PHLDB2: variants seen among roughly 807,000 people sequenced by gnomAD.
PHLDB2 encodes pleckstrin homology-like domain family B member 2.
PHLDB2 carries 71 observed loss-of-function variants against 123.6 expected under a neutral mutation model. The observed-to-expected ratio is 0.57, with a 90% confidence interval of 0.47 to 0.70. The LOEUF is 0.70. Ranked by LOEUF, PHLDB2 falls within the 30% of genes least tolerant of loss-of-function variation. PHLDB2 has a pLI of 0.00. For synonymous variants in PHLDB2, 547 were observed against 541.6 expected (o/e 1.01, Z -0.14); for missense variants, 1,446 against 1,519.5 (o/e 0.95, Z 0.80).
intron 1 of PHLDB2, among the ~76,000 whole-genome samples, chr3:111,780,410 A>C (rs2060417968): frequency 7.7e-6 from 1 of 129,594 alleles, no homozygotes; most frequent in African/African-American, 3.0e-5. Context: ...GAAGAAGAAG[A>C]AAAAGATTAG....
At chr3:111,960,154 G>A (rs1358902852) in intron 12 of PHLDB2, 3 of 872,220 alleles carry the variant, frequency 3.4e-6, no homozygotes, top group Non-Finnish European at 4.1e-6. Context: ...GGAGCAATTA[G>A]TAATTCCAAA....
intron 8 of PHLDB2, among the ~76,000 whole-genome samples, chr3:111,943,167 G>C (rs748783368): frequency 2.0e-4 from 30 of 152,248 alleles, no homozygotes; most frequent in African/African-American, 7.0e-4. Context: ...TTAAGGCAGG[G>C]TGGTACTGCC....
In PHLDB2 at chr3:111,913,502, A is replaced by T; in HGVS notation, c.1519A>T (p.Arg507Trp). The T allele has an allele frequency of 6.2e-7, 1 of 1,614,140 alleles. No individual in the cohort carries two copies. The highest frequency in any genetic ancestry group is 8.5e-7 in the Non-Finnish European group (1 of 1,180,002). The change falls in exon 3 of 18, where the codon AGG becomes TGG. Residue 507 changes from arginine to tryptophan, a missense_variant. Physicochemically the swap from Arg to Trp is moderately radical, Grantham distance 101 (BLOSUM62 -3). Coordinates refer to ENST00000431670, the MANE Select transcript of PHLDB2 (RefSeq NM_001134438.2). ...EALMSPDTRYRCHRKDSLPDA... is the reference protein window; with the variant it reads ...EALMSPDTRYWCHRKDSLPDA... The stretch of plus-strand genomic sequence containing the variant: ...CCTCATGAGCCCTGACACAAGATAC[A>T]GGTGCCACCGGAAAGACTCCCTCCC...
At chr3:111,845,991 C>A in intron 2 of PHLDB2, 1 of 1,543,502 alleles carries the variant, frequency 6.5e-7, no homozygotes, top group Admixed American at 1.7e-5. Context: ...CTTACTCCAT[C>A]ATACATATTG....
At chr3:111,760,345 C>T (rs1389362780) in intron 1 of PHLDB2, among the ~76,000 whole-genome samples, 1 of 152,180 alleles carries the variant, frequency 6.6e-6, no homozygotes, top group African/African-American at 2.4e-5. Context: ...CAAACCAAAA[C>T]TTAGTTTCAA....
rs955863894 is a variant in PHLDB2 at position 111,884,530 on chromosome 3, T to C, written c.453T>C (p.Tyr151=). Residue 151 remains tyrosine, a synonymous_variant, in exon 2 of 18, where the codon TAT becomes TAC. Coordinates refer to ENST00000431670, the MANE Select transcript of PHLDB2 (RefSeq NM_001134438.2). ...CAGAGAAGCCTCCCTATTCCAAATA[T>C]AGCTCAAGGCATAAATCGCATGACA... ...RLSEKPPYSK[Y]SSRHKSHDNV... 2 of 1,614,094 alleles carry C rather than the reference T, an allele frequency of 1.2e-6. No individual in the cohort carries two copies. Among genetic ancestry groups the C allele is most frequent in the South Asian group, 2.2e-5 (2 of 91,070 alleles).
chr3:111,790,632 T>C (rs2060879084), intron 1 of PHLDB2, among the ~76,000 whole-genome samples: 1 of 152,182 alleles, frequency 6.6e-6, no homozygotes, highest in Non-Finnish European at 1.5e-5. Context: ...GAGAGACTTC[T>C]GTTTGATGAG....
rs895478391 is a variant in PHLDB2, at chr3:111,957,171, A to T, written c.2872+3142A>T. ...GTTATTGGCTTTTGAACAACTTGTG[A>T]ACTATTCCTTTGTCAGCTTTAGAAT... is the stretch of plus-strand genomic sequence containing the variant. On this transcript the variant is annotated intron_variant, in intron 12 of 17. Transcript: ENST00000431670. The T allele has an allele frequency of 4.6e-5, 7 of 152,748 alleles. No homozygotes were observed. In the East Asian group the frequency reaches 1.2e-3, roughly 25 times the overall value. The allele number at this position is 152,748 out of a possible 1,614,324, so 9.5% of individuals were successfully genotyped here.
intron 1 of PHLDB2, among the ~76,000 whole-genome samples, chr3:111,829,950 A>G (rs1409865236): frequency 6.7e-6 from 1 of 149,500 alleles, no homozygotes; most frequent in East Asian, 1.9e-4. Context: ...ACACACACAC[A>G]CACACACACA....
In PHLDB2 at chr3:111,780,394, GAAGAA is replaced by G. The variant is rs201565177; in HGVS notation, c.-49+47692_-49+47696del. Among the ~76,000 whole-genome samples the G allele has an allele frequency of 8.3e-4, 41 of 49,452 alleles. 8 individuals are homozygous for G. The East Asian group carries it at 0.041, about 49-fold the overall frequency. 32.4% of individuals were successfully genotyped at this position (49,452 alleles called of 152,430 possible). On this transcript the variant is annotated intron_variant, in intron 1 of 17. Coordinates refer to the PHLDB2 transcript ENST00000393923. ...AGAAGAAGAAGAAGAAGAAGAAGAA[GAAGAA>G]GAAGAAGAAGAAAAAGATTAGTTCG... is the stretch of plus-strand genomic sequence containing the variant.
chr3:111,787,343 A>T (rs527750244), intron 1 of PHLDB2, among the ~76,000 whole-genome samples: 65 of 152,342 alleles, frequency 4.3e-4, no homozygotes, highest in Middle Eastern at 3.4e-3. Flanking sequence ...CATGCTATTT[A>T]ATCAGAATTT....
chr3:111,773,361 G>A (rs66856712), intron 1 of PHLDB2, among the ~76,000 whole-genome samples: 36,539 of 152,056 alleles, frequency 0.24, 5,141 homozygotes, highest in African/African-American at 0.39. Context: ...CCAAATGTAT[G>A]AGAAGACAGC....
Position 111,967,785 on chromosome 3 carries a change from A to C in PHLDB2, c.3276A>C (p.Ile1092=). ...QEETSQRQKL[I]EKEVKIRERQ... ...AAACTAGCCAGAGGCAGAAGTTAAT[A>C]GAAAAGGAAGTAAAAATAAGGGAGA... The change falls in exon 15 of 18, where the codon ATA becomes ATC. Residue 1092 remains isoleucine, a synonymous_variant. Transcript: ENST00000431670. 5.0e-6 allele frequency: 8 copies of C among 1,612,170 alleles called. No homozygotes were observed. Among genetic ancestry groups the C allele is most frequent in the Non-Finnish European group, 6.8e-6 (8 of 1,179,396 alleles).
chr3:111,971,453 AC>A (rs958493725), intron 16 of PHLDB2, among the ~76,000 whole-genome samples: 32 of 126,106 alleles, frequency 2.5e-4, no homozygotes, highest in African/African-American at 8.2e-4. Flanking sequence ...TTAAAAAAAT[AC>A]CAAAACCTTC....
intron 1 of PHLDB2, among the ~76,000 whole-genome samples, chr3:111,816,941 T>C (rs1240602485): frequency 2.0e-5 from 3 of 152,042 alleles, no homozygotes; most frequent in African/African-American, 7.2e-5. Context: ...AATGAATGAG[T>C]CTCACAAGAT....
At chr3:111,841,699 G>A (rs760779912) in intron 1 of PHLDB2, among the ~76,000 whole-genome samples, 33 of 152,172 alleles carry the variant, frequency 2.2e-4, no homozygotes, top group Non-Finnish European at 3.2e-4. Context: ...AGACTCCTGC[G>A]TGTGGAGGAG....
At chr3:111,907,707 G>A (rs548703532) in intron 2 of PHLDB2, among the ~76,000 whole-genome samples, 2 of 152,016 alleles carry the variant, frequency 1.3e-5, no homozygotes, top group South Asian at 4.2e-4. Context: ...TATTAGGCTG[G>A]TCTAAAACTC....
intron 14 of PHLDB2, among the ~76,000 whole-genome samples, chr3:111,966,915 A>G (rs2071808831): frequency 6.6e-6 from 1 of 151,892 alleles, no homozygotes; most frequent in Non-Finnish European, 1.5e-5. Flanking sequence ...CTTGAAATAT[A>G]TATATAGTAT....
At chr3:111,891,770 T>C (rs574801725) in intron 2 of PHLDB2, among the ~76,000 whole-genome samples, 1 of 152,178 alleles carries the variant, frequency 6.6e-6, no homozygotes, top group Non-Finnish European at 1.5e-5. Flanking sequence ...ATTCATCCTA[T>C]TTGACACCTG....
Sources: allele counts gnomAD v4.1 joint callset (sites outside exome capture counted in the v4.1 genomes callset), GRCh38; gene constraint gnomAD v4.1.1; transcripts MANE v1.5; gene names NCBI Gene and HGNC (gene_info 2026-07-23, HGNC 2026-07-21).